The following DHDDS variants were observed in gnomAD, a reference collection of about 807,000 sequenced individuals.
DHDDS encodes the protein dehydrodolichyl diphosphate synthase subunit, also known as dehydrodolichyl diphosphate synthase complex subunit DHDDS.
DHDDS carries 16 observed loss-of-function variants against 46.2 expected under a neutral mutation model. That is an observed-to-expected ratio of 0.35 (90% CI 0.23 to 0.53). The LOEUF (loss-of-function observed/expected upper bound fraction) is 0.53, where lower values mean the gene tolerates loss of function less well. DHDDS is among the 20% of genes least tolerant of loss of function. DHDDS has a pLI of 0.94. For synonymous variants in DHDDS, 151 were observed against 163.1 expected (o/e 0.93, Z 0.56); for missense variants, 340 against 423.7 (o/e 0.80, Z 1.73).
At chr1:26,448,600 T>C (rs2075292035) in intron 6 of DHDDS, 1 of 152,226 alleles carries the variant, frequency 6.6e-6, no homozygotes, top group Non-Finnish European at 1.5e-5. Flanking sequence ...TTTATGTAAC[T>C]TTTAATATAT....
intron 6 of DHDDS, among the ~76,000 whole-genome samples, chr1:26,455,987 C>G (rs1206322505): frequency 6.6e-6 from 1 of 152,164 alleles, no homozygotes; most frequent in Non-Finnish European, 1.5e-5. Context: ...CAACAGACAC[C>G]AGCCATGCAA....
intron 8 of DHDDS, among the ~76,000 whole-genome samples, chr1:26,465,533 C>G (rs1303615152): frequency 6.6e-6 from 1 of 152,192 alleles, no homozygotes; most frequent in East Asian, 1.9e-4. Context: ...AGTTACTTAA[C>G]CCCTCAGAGT....
intron 3 of DHDDS, among the ~76,000 whole-genome samples, chr1:26,441,074 G>A (rs1285820627): frequency 1.3e-4 from 20 of 151,928 alleles, no homozygotes; most frequent in East Asian, 3.9e-4. Flanking sequence ...ACAGGCCTGC[G>A]CCACCACACC....
chr1:26,453,105 C>T (rs955613247), intron 6 of DHDDS, among the ~76,000 whole-genome samples: 1 of 151,930 alleles, frequency 6.6e-6, no homozygotes, highest in African/African-American at 2.4e-5. Flanking sequence ...CACACACACA[C>T]ACACACACAC....
chr1:26,464,657 A>G (rs1481729921), intron 8 of DHDDS, among the ~76,000 whole-genome samples: 1 of 152,116 alleles, frequency 6.6e-6, no homozygotes, highest in African/African-American at 2.4e-5. Context: ...GGCTTTTCTC[A>G]TGTCTCCCTT....
rs748456341 is a variant in DHDDS at position 26,446,438 on chromosome 1, T to C, written c.440+6T>C. 90 of 1,612,706 alleles carry C rather than the reference T, an allele frequency of 5.6e-5. No individual in the cohort carries two copies. The highest frequency in any genetic ancestry group is 7.0e-5 in the Non-Finnish European group (83 of 1,179,062). ...GCCACGAAGAACTACAACAAGTAAG[T>C]TCTCAGATTTCCCTATAGGGAGCTG... On this transcript the variant is annotated splice_donor_region_variant and intron_variant, in intron 5 of 8. Transcript: ENST00000236342.
chr1:26,456,072 C>T (rs1294896488), intron 6 of DHDDS, among the ~76,000 whole-genome samples: 1 of 152,182 alleles, frequency 6.6e-6, no homozygotes, highest in Non-Finnish European at 1.5e-5. Context: ...TCAATTCTAT[C>T]TCCTTTCTGA....
In DHDDS at chr1:26,435,803, C is replaced by T. The variant is rs557946118; in HGVS notation, c.64-2365C>T. On this transcript the variant is annotated intron_variant, in intron 2 of 8. Transcript: ENST00000236342. ...CTAATTTTTGTATTTTTAGTAGAGA[C>T]GGGGTTTCACCATACTGGCCAGCCT... Among the ~76,000 whole-genome samples the T allele has an allele frequency of 7.2e-5, 11 of 152,046 alleles. No individual in the cohort carries two copies. In the East Asian group the frequency reaches 1.9e-3, roughly 27 times the overall value.
chr1:26,459,886 C>T, intron 7 of DHDDS, 151 bp from the exon 8 acceptor site: 1 of 706,282 alleles, frequency 1.4e-6, no homozygotes, highest in East Asian at 2.6e-5. Context: ...TCAGGGCCAG[C>T]AGCAGCTGCA....
chr1:26,443,770 A>G (rs751793277), intron 4 of DHDDS, among the ~76,000 whole-genome samples: 2 of 152,156 alleles, frequency 1.3e-5, no homozygotes, highest in Non-Finnish European at 2.9e-5. Context: ...TCCCCAGCAG[A>G]GCCTGTGTGG....
intron 6 of DHDDS, among the ~76,000 whole-genome samples, chr1:26,457,472 A>AT (rs1175092894): frequency 6.6e-6 from 1 of 151,490 alleles, no homozygotes; most frequent in African/African-American, 2.4e-5. Flanking sequence ...TCTATCTCAA[A>AT]TAAATAAATA....
chr1:26,454,046 C>T (rs377543992), intron 6 of DHDDS, among the ~76,000 whole-genome samples: 125 of 152,118 alleles, frequency 8.2e-4, no homozygotes, highest in Middle Eastern at 6.8e-3. Flanking sequence ...CTCCGCCTCC[C>T]GGGTTCACGC....
At chr1:26,454,864 A>G (rs2075356150) in intron 6 of DHDDS, 1 of 1,590,034 alleles carries the variant, frequency 6.3e-7, no homozygotes, top group South Asian at 1.1e-5. Flanking sequence ...GAGAATCTAC[A>G]TTTAAACCCT....
At chr1:26,450,413 C>G (rs1033522333) in intron 6 of DHDDS, among the ~76,000 whole-genome samples, 7 of 152,160 alleles carry the variant, frequency 4.6e-5, no homozygotes, top group Non-Finnish European at 1.0e-4. Context: ...TCCCAAAATG[C>G]TGAGATTACA....
intron 3 of DHDDS, chr1:26,438,746 C>T: frequency 5.7e-6 from 1 of 175,422 alleles, no homozygotes. Context: ...ATGACATTAA[C>T]AAAGAAGTAA....
intron 2 of DHDDS, among the ~76,000 whole-genome samples, chr1:26,437,095 A>G (rs1324415821): frequency 1.3e-5 from 2 of 151,934 alleles, no homozygotes; most frequent in East Asian, 2.0e-4. Context: ...GCGTGAACCC[A>G]GGAGGCAGAG....
chr1:26,433,691 A>G (rs1283156613), intron 2 of DHDDS, among the ~76,000 whole-genome samples: 2 of 151,818 alleles, frequency 1.3e-5, no homozygotes, highest in South Asian at 2.1e-4. Flanking sequence ...AAAAAAAAAA[A>G]AAAGAGTTTG....
At position 26,458,859 on chromosome 1, in the gene DHDDS, C is replaced by G. The variant is rs1390166556; in HGVS notation, c.657+954C>G. ...TGATGGGCTGAATTTTAAGAGACTA[C>G]AGAGTCAGTTACTCAGTGTACAGAA... On this transcript the variant is annotated intron_variant, in intron 7 of 8. Coordinates refer to ENST00000236342, the MANE Select transcript of DHDDS (RefSeq NM_205861.3). Among the ~76,000 whole-genome samples the G allele has an allele frequency of 3.3e-5, 5 of 151,862 alleles. No individual in the cohort carries two copies. In the East Asian group the frequency reaches 7.7e-4, roughly 23 times the overall value.
At chr1:26,453,237 A>T (rs1339932700) in intron 6 of DHDDS, among the ~76,000 whole-genome samples, 1 of 152,154 alleles carries the variant, frequency 6.6e-6, no homozygotes, top group Admixed American at 6.5e-5. Flanking sequence ...CCGTGTTTTT[A>T]ATAATTCTTC....
Sources: gnomAD v4.1 joint callset for allele counts (sites outside exome capture counted in the v4.1 genomes callset) on GRCh38, gnomAD v4.1.1 for gene constraint, MANE v1.5 for transcripts, NCBI Gene and HGNC (gene_info 2026-07-23, HGNC 2026-07-21) for gene names.